Variants in OLA1 observed in about 807,000 individuals in gnomAD.
The protein encoded by OLA1 is obg-like ATPase 1.
Under a neutral mutation model 48.4 loss-of-function variants are expected in OLA1, and 14 were observed. That is an observed-to-expected ratio of 0.29 (90% CI 0.19 to 0.45). The LOEUF (loss-of-function observed/expected upper bound fraction) is 0.45. Among genes scored for constraint, OLA1 ranks in the 20% least tolerant of loss-of-function variants. The pLI is 1.00. For synonymous variants in OLA1, 127 were observed against 150.4 expected (o/e 0.84, Z 1.14); for missense variants, 325 against 467.1 (o/e 0.70, Z 2.80).
chr2:174,223,739 A>C (rs1369785077), intron 3 of OLA1, among the ~76,000 whole-genome samples: 1 of 133,470 alleles, frequency 7.5e-6, no homozygotes, highest in Admixed American at 8.9e-5. Flanking sequence ...CTGGGTTTGC[A>C]TTTGATCACC....
intron 4 of OLA1, among the ~76,000 whole-genome samples, chr2:174,168,535 G>A (rs1365846792): frequency 6.6e-6 from 1 of 152,048 alleles, no homozygotes; most frequent in Non-Finnish European, 1.5e-5. Flanking sequence ...AAGTGAGATT[G>A]AATTTGAGAT....
At chr2:174,143,938 A>C (rs1042040589) in intron 4 of OLA1, among the ~76,000 whole-genome samples, 6 of 152,106 alleles carry the variant, frequency 3.9e-5, no homozygotes, top group Non-Finnish European at 8.8e-5. Context: ...TGTCTCTACA[A>C]GAAATTTTTA....
intron 4 of OLA1, among the ~76,000 whole-genome samples, chr2:174,204,905 T>C (rs1397632596): frequency 6.6e-6 from 1 of 152,200 alleles, no homozygotes; most frequent in Non-Finnish European, 1.5e-5. Flanking sequence ...ATGAAATTCA[T>C]AGGTTCCTAG....
At chr2:174,203,385 C>A (rs887257240) in intron 4 of OLA1, among the ~76,000 whole-genome samples, 1 of 152,032 alleles carries the variant, frequency 6.6e-6, no homozygotes, top group African/African-American at 2.4e-5. Flanking sequence ...CAACACCCTG[C>A]CAATTACAGC....
chr2:174,174,035 CAAAAAA>C (rs112671944), intron 4 of OLA1, among the ~76,000 whole-genome samples: 23,993 of 135,924 alleles, frequency 0.18, 2,650 homozygotes, highest in African/African-American at 0.33. Context: ...CACACACACA[CAAAAAA>C]AAAAAAAAAA....
intron 2 of OLA1, among the ~76,000 whole-genome samples, chr2:174,230,795 A>G (rs1688711880): frequency 6.6e-6 from 1 of 152,206 alleles, no homozygotes; most frequent in Non-Finnish European, 1.5e-5. Flanking sequence ...GTAGAAGCTA[A>G]CAGCAGTCCA....
In OLA1 at chr2:174,141,867, C is replaced by G. The variant is rs992783913; in HGVS notation, c.507G>C (p.Lys169Asn). The change falls in exon 5 of 11, where the codon AAG becomes AAC. Residue 169 changes from lysine (K) to asparagine (N), a missense_variant. By Grantham distance (94) the Lys-to-Asn change is moderately conservative. Transcript: ENST00000284719. ...MIGPIIDKLE[K>N]VAVRGGDKKL... ...TTTTATCTCCTCCTCTCACAGCCAC[C>G]TTTTCTAGTTTATCTATAATGGGCC... is the stretch of plus-strand genomic sequence containing the variant. 3.1e-6 allele frequency: 5 copies of G among 1,610,202 alleles called. No individual in the cohort carries two copies. The highest frequency in any genetic ancestry group is 4.2e-6 in the Non-Finnish European group (5 of 1,179,436).
At chr2:174,159,360 A>G (rs1686959394) in intron 4 of OLA1, among the ~76,000 whole-genome samples, 1 of 152,190 alleles carries the variant, frequency 6.6e-6, no homozygotes, top group Non-Finnish European at 1.5e-5. Flanking sequence ...TCTTTAAAAT[A>G]AGGATATTTT....
chr2:174,126,263 T>C (rs1360968250), intron 5 of OLA1, among the ~76,000 whole-genome samples: 1 of 152,104 alleles, frequency 6.6e-6, no homozygotes, highest in African/African-American at 2.4e-5. Flanking sequence ...TATGTTCATA[T>C]ATATAAATAC....
In OLA1 at chr2:174,097,247, T is replaced by C. The variant is rs1685278903; in HGVS notation, c.729-15183A>G. On this transcript the variant is annotated intron_variant, in intron 7 of 10. Transcript: ENST00000284719. Reference sequence around the variant, plus strand: ...GAATATTTATAGATAGGGAGGTAACTGGAAGGGAAAGAATTCAAGCACAAT... The same window carrying C: ...GAATATTTATAGATAGGGAGGTAACCGGAAGGGAAAGAATTCAAGCACAAT... Among the ~76,000 whole-genome samples, 4 of 152,294 alleles carry C rather than the reference T, an allele frequency of 2.6e-5. No individual in the cohort carries two copies. The South Asian group carries it at 6.2e-4, about 24-fold the overall frequency.
At chr2:174,246,072 G>C (rs1041460271) in intron 2 of OLA1, among the ~76,000 whole-genome samples, 2 of 151,812 alleles carry the variant, frequency 1.3e-5, no homozygotes, top group Admixed American at 1.3e-4. Context: ...GGCTGAGGCA[G>C]GTGGATCATA....
intron 5 of OLA1, among the ~76,000 whole-genome samples, chr2:174,131,753 A>G (rs1686186730): frequency 6.6e-6 from 1 of 151,998 alleles, no homozygotes; most frequent in Non-Finnish European, 1.5e-5. Context: ...ATATTTTTCT[A>G]TCAGGCTGTC....
intron 4 of OLA1, chr2:174,217,769 T>A (rs948574161): frequency 6.6e-6 from 1 of 152,174 alleles, no homozygotes; most frequent in Admixed American, 6.5e-5. Context: ...AATGGAATCA[T>A]AGTATACGCT....
At chr2:174,079,679 T>C (rs1001077628) in intron 9 of OLA1, among the ~76,000 whole-genome samples, 1 of 151,846 alleles carries the variant, frequency 6.6e-6, no homozygotes, top group Non-Finnish European at 1.5e-5. Context: ...GGGAGAGAAA[T>C]GTCTTATAAT....
chr2:174,221,847 A>C (rs1255524654), intron 4 of OLA1, among the ~76,000 whole-genome samples: 1 of 152,204 alleles, frequency 6.6e-6, no homozygotes, highest in East Asian at 1.9e-4. Context: ...AAACCAGAAG[A>C]AAACCAGTCA....
intron 2 of OLA1, among the ~76,000 whole-genome samples, chr2:174,233,974 T>C (rs1322631473): frequency 6.6e-6 from 1 of 152,210 alleles, no homozygotes; most frequent in Non-Finnish European, 1.5e-5. Flanking sequence ...TGGTTTGAAA[T>C]GCATGTTCAA....
chr2:174,169,695 A>T (rs1347462314), intron 4 of OLA1, among the ~76,000 whole-genome samples: 1 of 152,218 alleles, frequency 6.6e-6, no homozygotes, highest in African/African-American at 2.4e-5. Context: ...AAAAGAAATG[A>T]TAAGTAGAAC....
At chr2:174,131,539 A>G (rs537503551) in intron 5 of OLA1, among the ~76,000 whole-genome samples, 2 of 152,114 alleles carry the variant, frequency 1.3e-5, no homozygotes, top group South Asian at 4.1e-4. Context: ...TTGCTAATAA[A>G]TTTTCAAAAG....
At chr2:174,191,589 G>C (rs556549777) in intron 4 of OLA1, among the ~76,000 whole-genome samples, 2 of 151,960 alleles carry the variant, frequency 1.3e-5, no homozygotes, top group East Asian at 1.9e-4. Context: ...TGAGTAGCTG[G>C]GACTAGAGGC....
Sources: allele counts gnomAD v4.1 joint callset (sites outside exome capture counted in the v4.1 genomes callset), GRCh38; gene constraint gnomAD v4.1.1; transcripts MANE v1.5; gene names NCBI Gene and HGNC (gene_info 2026-07-23, HGNC 2026-07-21).